Variants in CEP192 observed in about 807,000 individuals in gnomAD.
The protein encoded by CEP192 is centrosomal protein of 192 kDa.
In CEP192, 151 loss-of-function variants were observed where a neutral mutation model predicts 271.8. That is an observed-to-expected ratio of 0.56 (90% CI 0.49 to 0.64). CEP192 has a LOEUF of 0.64. CEP192 is among the 30% of genes least tolerant of loss of function. The pLI, the probability that CEP192 is intolerant of heterozygous loss-of-function variation, is 0.00. For missense variants in CEP192, 2,910 were observed against 3,020.5 expected (o/e 0.96, Z 0.86); for synonymous variants, 995 against 1,076.5 (o/e 0.92, Z 1.48).
At chr18:13,018,975 C>A in intron 8 of CEP192, 107 bp from the exon 9 acceptor site, 1 of 1,074,868 alleles carries the variant, frequency 9.3e-7, no homozygotes, top group Non-Finnish European at 1.3e-6. Context: ...CATAGGAGTG[C>A]TAAGTATTAG....
intron 33 of CEP192, 51 bp from the exon 34 acceptor site, chr18:13,092,326 G>A (rs1405694771): frequency 8.1e-7 from 1 of 1,227,178 alleles, no homozygotes; most frequent in South Asian, 1.3e-5. Flanking sequence ...GTTACTTTGT[G>A]GTATGCTTGT....
chr18:13,099,576 C>T lies in CEP192; in HGVS notation c.6658C>T (p.Gln2220Ter). 2.6e-6 allele frequency: 4 copies of T among 1,513,844 alleles called. No individual in the cohort carries two copies. Among genetic ancestry groups the T allele is most frequent in the Non-Finnish European group, 3.6e-6 (4 of 1,120,690 alleles). The allele number at this position is 1,513,844 out of a possible 1,614,324, so 93.8% of individuals were successfully genotyped here. A position where few individuals can be genotyped will look rare whatever the true frequency, so the allele number is the denominator to read the frequency against. ...GATCTATATACACTGTGACGATGGA[C>T]AGAAGGTACTTTTAAAAGTGGTTTG... ...GLIYIHCDDG[Q>*]KKIVKVQIRE... The change falls in exon 37 of 45, where the codon CAG becomes TAG. Residue 2220 changes from glutamine (Q) to a stop codon, truncating the protein, a stop_gained. Coordinates refer to ENST00000506447, the MANE Select transcript of CEP192 (RefSeq NM_032142.4). LOFTEE classifies it high-confidence loss of function.
intron 9 of CEP192, among the ~76,000 whole-genome samples, chr18:13,027,224 A>G (rs531378311): frequency 1.3e-5 from 2 of 152,270 alleles, no homozygotes; most frequent in East Asian, 3.9e-4. Flanking sequence ...CCAGCAGGTT[A>G]GGTTTTCTTG....
chr18:13,103,180 C>A (rs532940986), intron 38 of CEP192, among the ~76,000 whole-genome samples: 1 of 152,310 alleles, frequency 6.6e-6, no homozygotes. Context: ...TGCTGCAGCC[C>A]TGACTTACCT....
Position 13,100,320 on chromosome 18 carries a change from C to T in CEP192, c.6679C>T (p.Gln2227Ter). The part of the protein sequence containing the change: ...DDGQKKIVKV[Q>*]IREDLTQVEL... ...CTCATTTCAGAAAATTGTGAAAGTT[C>T]AAATTCGAGAAGATTTAACTCAAGT... The change falls in exon 38 of 45, where the codon CAA becomes TAA. Residue 2227 changes from glutamine (Q) to a stop codon, truncating the protein, a stop_gained. Transcript: ENST00000506447. LOFTEE classifies it high-confidence loss of function. The T allele has an allele frequency of 6.2e-7, 1 of 1,613,672 alleles. No homozygotes were observed. Among genetic ancestry groups the T allele is most frequent in the Non-Finnish European group, 8.5e-7 (1 of 1,179,634 alleles).
intron 44 of CEP192, among the ~76,000 whole-genome samples, chr18:13,119,976 C>T (rs1247981146): frequency 6.6e-6 from 1 of 152,192 alleles, no homozygotes; most frequent in Non-Finnish European, 1.5e-5. Flanking sequence ...AACTTTCCTG[C>T]AGTTAAACAG....
At chr18:13,062,649 ATGTTT>A (rs769402506) in intron 21 of CEP192, among the ~76,000 whole-genome samples, 24 of 151,684 alleles carry the variant, frequency 1.6e-4, no homozygotes, top group Non-Finnish European at 2.8e-4. Context: ...GGTACATGAG[ATGTTT>A]TGTTTCAGAC....
intron 40 of CEP192, among the ~76,000 whole-genome samples, chr18:13,106,889 C>T (rs1425596514): frequency 6.6e-6 from 1 of 152,200 alleles, no homozygotes; most frequent in East Asian, 1.9e-4. Flanking sequence ...AGTTTAAAAA[C>T]AGCTTATTAT....
chr18:12,998,618 A>G (rs932384390), intron 1 of CEP192, among the ~76,000 whole-genome samples: 1 of 152,202 alleles, frequency 6.6e-6, no homozygotes, highest in African/African-American at 2.4e-5. Flanking sequence ...CTCTCATCCC[A>G]TACTCTGCCT....
At chr18:13,058,885 A>G (rs531069658) in intron 20 of CEP192, 197 bp from the exon 21 acceptor site, 1 of 577,128 alleles carries the variant, frequency 1.7e-6, no homozygotes, top group African/African-American at 1.9e-5. Context: ...GTGCAGCAAG[A>G]ACATTCAACT....
At chr18:13,055,759 A>G in intron 18 of CEP192, 21 bp from the exon 19 acceptor site, 1 of 1,500,820 alleles carries the variant, frequency 6.7e-7, no homozygotes, top group Non-Finnish European at 8.9e-7. Flanking sequence ...GATTATTAAA[A>G]ACAAATTTTG....
Position 13,030,558 on chromosome 18 carries a change from A to C in CEP192, c.1484A>C (p.Asn495Thr), listed in dbSNP as rs756514240. The change falls in exon 11 of 45, where the codon AAT becomes ACT. Residue 495 changes from asparagine to threonine, a missense_variant. Coordinates refer to ENST00000506447, the MANE Select transcript of CEP192 (RefSeq NM_032142.4). ...TACACATCTTTTAATAGCAAACAAA[A>C]TTTAAATGTGTCTCTAAGTGATGAG... is the stretch of plus-strand genomic sequence containing the variant. ...AYYTSFNSKQ[N>T]LNVSLSDEMN... 6.2e-6 allele frequency: 10 copies of C among 1,612,404 alleles called. No individual in the cohort carries two copies. The Admixed American group carries it at 1.7e-4, about 27-fold the overall frequency.
At chr18:13,108,273 T>C (rs1380742714) in intron 40 of CEP192, among the ~76,000 whole-genome samples, 1 of 152,118 alleles carries the variant, frequency 6.6e-6, no homozygotes, top group Non-Finnish European at 1.5e-5. Flanking sequence ...TCCAAAGCAA[T>C]TGTAATAAAA....
At position 13,029,689 on chromosome 18, in the gene CEP192, G is replaced by A. The variant is rs1031305316; in HGVS notation, c.1077G>A (p.Val359=). The A allele has an allele frequency of 2.0e-6, 3 of 1,533,086 alleles. No homozygotes were observed. The highest frequency in any genetic ancestry group is 1.2e-5 in the South Asian group (1 of 81,898). 95.0% of individuals were successfully genotyped at this position (1,533,086 alleles called of 1,614,324 possible). Reference sequence around the variant, plus strand: ...AATGTGCAAGTAAAGATGTTCTGGTGAAGACCCTCAGGGCTATTGATGTGA... The same window carrying A: ...AATGTGCAAGTAAAGATGTTCTGGTAAAGACCCTCAGGGCTATTGATGTGA... ...NSECASKDVL[V]KTLRAIDVKL... Residue 359 remains valine (V), a synonymous_variant, in exon 10 of 45, where the codon GTG becomes GTA. Transcript: ENST00000506447.
intron 42 of CEP192, among the ~76,000 whole-genome samples, chr18:13,115,538 T>G (rs1212606411): frequency 6.6e-6 from 1 of 152,044 alleles, no homozygotes; most frequent in Non-Finnish European, 1.5e-5. Flanking sequence ...GACAATCCCC[T>G]AGCTGTGGTA....
At position 13,053,023 on chromosome 18, in the gene CEP192, C is replaced by G; in HGVS notation, c.3122C>G (p.Thr1041Arg). Residue 1041 changes from threonine to arginine, a missense_variant, in exon 18 of 45, where the codon ACG becomes AGG. By Grantham distance (71) the Thr-to-Arg change is moderately conservative. Coordinates refer to ENST00000506447, the MANE Select transcript of CEP192 (RefSeq NM_032142.4). ...VCSPAGVSRL[T>R]YVSEPESSYP... Reference sequence around the variant, plus strand: ...TCGCCTGCTGGGGTGAGCAGGCTGACGTATGTGTCTGAACCAGAGAGCTCC... The same window carrying G: ...TCGCCTGCTGGGGTGAGCAGGCTGAGGTATGTGTCTGAACCAGAGAGCTCC... 6.2e-7 allele frequency: 1 copy of G among 1,613,868 alleles called. No homozygotes were observed. Among genetic ancestry groups the G allele is most frequent in the Non-Finnish European group, 8.5e-7 (1 of 1,179,864 alleles).
At chr18:13,055,206 G>C (rs1415978178) in intron 18 of CEP192, among the ~76,000 whole-genome samples, 1 of 151,846 alleles carries the variant, frequency 6.6e-6, no homozygotes, top group African/African-American at 2.4e-5. Flanking sequence ...TTGAACCAGG[G>C]AGGCGAAGGT....
At chr18:13,116,339 T>G in intron 42 of CEP192, 38 bp from the exon 43 acceptor site, 1 of 1,596,162 alleles carries the variant, frequency 6.3e-7, no homozygotes, top group Non-Finnish European at 8.5e-7. Context: ...TTACTGTGGA[T>G]TTCAGATTCT....
At chr18:13,008,358 T>C in intron 3 of CEP192, 98 bp from the exon 4 acceptor site, 1 of 841,878 alleles carries the variant, frequency 1.2e-6, no homozygotes, top group Non-Finnish European at 1.8e-6. Flanking sequence ...CCATTTTTTC[T>C]TTTTAAGAGG....
Sources: allele counts gnomAD v4.1 joint callset (sites outside exome capture counted in the v4.1 genomes callset), GRCh38; gene constraint gnomAD v4.1.1; transcripts MANE v1.5; gene names NCBI Gene and HGNC (gene_info 2026-07-23, HGNC 2026-07-21).